CTNNA2: variants seen among roughly 807,000 people sequenced by gnomAD.
CTNNA2 encodes the protein catenin alpha 2, also known as catenin alpha-2.
Under a neutral mutation model 101.0 loss-of-function variants are expected in CTNNA2, and 42 were observed. The observed-to-expected ratio is 0.42, with a 90% confidence interval of 0.32 to 0.54. The LOEUF (loss-of-function observed/expected upper bound fraction) is 0.54, where lower values mean the gene tolerates loss of function less well. CTNNA2 is among the 20% of genes least tolerant of loss of function. The pLI, the probability that CTNNA2 is intolerant of heterozygous loss-of-function variation, is 0.14. For missense variants in CTNNA2, 871 were observed against 1,223.1 expected (o/e 0.71, Z 4.29); for synonymous variants, 450 against 456.4 (o/e 0.99, Z 0.18).
intron 4 of CTNNA2, among the ~76,000 whole-genome samples, chr2:79,478,331 C>T (rs538400889): frequency 2.0e-5 from 3 of 152,232 alleles, no homozygotes; most frequent in South Asian, 2.1e-4. Flanking sequence ...TGATGAATAG[C>T]GGTCTTAGGT....
At chr2:79,465,795 G>GT (rs71245368) in intron 4 of CTNNA2, among the ~76,000 whole-genome samples, 104,101 of 151,824 alleles carry the variant, frequency 0.69, 36,461 homozygotes, top group African/African-American at 0.84. Context: ...TTTGTTATTT[G>GT]GTATAAGAAT....
intron 7 of CTNNA2, among the ~76,000 whole-genome samples, chr2:79,995,273 A>G (rs910701482): frequency 2.0e-5 from 3 of 152,108 alleles, no homozygotes; most frequent in African/African-American, 7.2e-5. Context: ...ATAAATCCAT[A>G]ATGGTCACAC....
chr2:79,628,455 A>C (rs1679467463), intron 1 of CTNNA2, among the ~76,000 whole-genome samples: 1 of 152,154 alleles, frequency 6.6e-6, no homozygotes, highest in Non-Finnish European at 1.5e-5. Context: ...TGTCAAAAAA[A>C]AAAAAAAATT....
At chr2:79,320,035 T>A (rs1424487832) in intron 3 of CTNNA2, 1 of 152,046 alleles carries the variant, frequency 6.6e-6, no homozygotes, top group African/African-American at 2.4e-5. Flanking sequence ...TAAACATTTT[T>A]TGAGTGATAT....
At chr2:79,856,850 C>T (rs1482794283) in intron 3 of CTNNA2, among the ~76,000 whole-genome samples, 1 of 152,206 alleles carries the variant, frequency 6.6e-6, no homozygotes, top group African/African-American at 2.4e-5. Context: ...TCCAGGCTCT[C>T]ACCACTGCTC....
chr2:80,008,288 C>T (rs1433031234), intron 7 of CTNNA2, among the ~76,000 whole-genome samples: 1 of 152,168 alleles, frequency 6.6e-6, no homozygotes, highest in Non-Finnish European at 1.5e-5. Flanking sequence ...TTATCGCTCC[C>T]GCAGTCACCC....
At chr2:80,619,368 T>C in intron 18 of CTNNA2, 140 bp downstream of exon 18, 2 of 895,590 alleles carry the variant, frequency 2.2e-6, no homozygotes, top group Admixed American at 3.7e-5. Context: ...AAAGGACTTA[T>C]TTATTCTTTA....
chr2:79,423,367 C>T (rs1285116992), intron 4 of CTNNA2, among the ~76,000 whole-genome samples: 1 of 152,082 alleles, frequency 6.6e-6, no homozygotes. Context: ...CCTCTGTAAA[C>T]ACCACATCAA....
intron 7 of CTNNA2, among the ~76,000 whole-genome samples, chr2:80,287,998 C>T (rs1674915682): frequency 6.6e-6 from 1 of 152,142 alleles, no homozygotes; most frequent in African/African-American, 2.4e-5. Flanking sequence ...ACTTAATTGC[C>T]TCTTCAAGGT....
intron 7 of CTNNA2, among the ~76,000 whole-genome samples, chr2:79,936,826 C>T (rs1002553734): frequency 6.6e-6 from 1 of 152,110 alleles, no homozygotes; most frequent in African/African-American, 2.4e-5. Context: ...GAGGCCTGTG[C>T]AGATGAAGAG....
chr2:80,615,807 C>T (rs942232622), intron 17 of CTNNA2, among the ~76,000 whole-genome samples: 1 of 151,508 alleles, frequency 6.6e-6, no homozygotes, highest in African/African-American at 2.4e-5. Flanking sequence ...CACTTTATGG[C>T]CCATGTATCT....
intron 6 of CTNNA2, among the ~76,000 whole-genome samples, chr2:79,904,050 A>T (rs1268436912): frequency 6.6e-6 from 1 of 151,946 alleles, no homozygotes; most frequent in African/African-American, 2.4e-5. Flanking sequence ...GCCATCTCTC[A>T]CCTCCTAGCC....
intron 7 of CTNNA2, among the ~76,000 whole-genome samples, chr2:80,103,787 T>G (rs1403490442): frequency 6.6e-6 from 1 of 152,198 alleles, no homozygotes; most frequent in Non-Finnish European, 1.5e-5. Context: ...CAGGCTGGAG[T>G]GCAGTGGCGT....
At chr2:80,554,602 G>T (rs1376980878) in intron 11 of CTNNA2, among the ~76,000 whole-genome samples, 1 of 152,102 alleles carries the variant, frequency 6.6e-6, no homozygotes, top group African/African-American at 2.4e-5. Context: ...GATCTCTGAG[G>T]TCTCTTTTAT....
chr2:79,296,455 T>C (rs1207316922), intron 2 of CTNNA2, among the ~76,000 whole-genome samples: 1 of 152,210 alleles, frequency 6.6e-6, no homozygotes, highest in Non-Finnish European at 1.5e-5. Context: ...CTGTGGCTTT[T>C]TCTTATAAAG....
intron 2 of CTNNA2, among the ~76,000 whole-genome samples, chr2:79,723,204 A>G (rs1028159250): frequency 2.6e-5 from 4 of 152,184 alleles, no homozygotes; most frequent in Non-Finnish European, 5.9e-5. Flanking sequence ...CACAAGTCCT[A>G]TTGGTCCTGG....
intron 7 of CTNNA2, among the ~76,000 whole-genome samples, chr2:80,278,593 G>T (rs529836034): frequency 1.6e-4 from 24 of 152,192 alleles, no homozygotes; most frequent in South Asian, 4.1e-4. Context: ...GTATCCATTT[G>T]TGTCATATTT....
chr2:79,624,058 C>T (rs1052033395), intron 1 of CTNNA2, among the ~76,000 whole-genome samples: 1 of 152,092 alleles, frequency 6.6e-6, no homozygotes, highest in African/African-American at 2.4e-5. Context: ...TTCTCTTTCC[C>T]TCCCTGTTTT....
intron 3 of CTNNA2, among the ~76,000 whole-genome samples, chr2:79,315,573 A>G (rs1459920993): frequency 6.6e-6 from 1 of 152,178 alleles, no homozygotes; most frequent in East Asian, 1.9e-4. Context: ...AGATATATCC[A>G]TATTTCATTC....
Sources: allele counts gnomAD v4.1 joint callset (sites outside exome capture counted in the v4.1 genomes callset), GRCh38; gene constraint gnomAD v4.1.1; transcripts MANE v1.5; gene names NCBI Gene and HGNC (gene_info 2026-07-23, HGNC 2026-07-21).